LSAMP: variants seen among roughly 807,000 people sequenced by gnomAD.
The protein encoded by LSAMP is limbic system associated membrane protein.
A neutral mutation model predicts 38.6 loss-of-function variants in LSAMP; 7 were observed. The observed-to-expected ratio is 0.18, with a 90% confidence interval of 0.10 to 0.34. The LOEUF (loss-of-function observed/expected upper bound fraction) is 0.34, where lower values mean the gene tolerates loss of function less well. Among genes scored for constraint, LSAMP ranks in the 10% least tolerant of loss-of-function variants. The probability of loss-of-function intolerance (pLI) is 1.00; values close to 1 mark genes in which losing one functional copy is unlikely to be tolerated. For synonymous variants in LSAMP, 154 were observed against 166.8 expected, an observed-to-expected ratio of 0.92 and a Z score of 0.59; for missense variants, 313 against 420.0, an observed-to-expected ratio of 0.75 and a Z score of 2.23.
chr3:116,115,930 C>T (rs963434628), intron 1 of LSAMP, among the ~76,000 whole-genome samples: 3 of 151,864 alleles, frequency 2.0e-5, no homozygotes, highest in Admixed American at 6.6e-5. Context: ...CGTAGGGCGG[C>T]TTCCACCCCT....
intron 2 of LSAMP, among the ~76,000 whole-genome samples, chr3:116,076,885 T>C (rs963315770): frequency 6.6e-6 from 1 of 152,104 alleles, no homozygotes; most frequent in Admixed American, 6.5e-5. Context: ...TATTCTTAAA[T>C]GTTCTTATAT....
intron 2 of LSAMP, among the ~76,000 whole-genome samples, chr3:116,052,027 A>T (rs1941405787): frequency 6.6e-6 from 1 of 152,202 alleles, no homozygotes; most frequent in Admixed American, 6.5e-5. Context: ...GGTAAAATTT[A>T]AATGTAGAAA....
intron 1 of LSAMP, among the ~76,000 whole-genome samples, chr3:116,089,935 C>T (rs769004236): frequency 1.3e-5 from 2 of 151,834 alleles, no homozygotes; most frequent in Non-Finnish European, 2.9e-5. Flanking sequence ...GTGACTAAAA[C>T]TTTCTTAATA....
chr3:116,095,488 A>AAAAG (rs1708208253), intron 1 of LSAMP, among the ~76,000 whole-genome samples: 1 of 152,226 alleles, frequency 6.6e-6, no homozygotes, highest in Non-Finnish European at 1.5e-5. Flanking sequence ...GAGTGGATGG[A>AAAAG]AAAGAAACAG....
chr3:116,425,372 G>T (rs1399752542), intron 1 of LSAMP, among the ~76,000 whole-genome samples: 1 of 152,116 alleles, frequency 6.6e-6, no homozygotes, highest in Non-Finnish European at 1.5e-5. Context: ...ACCATTAAAA[G>T]AAATTATTGA....
At chr3:116,138,731 AT>A (rs1709307238) in intron 1 of LSAMP, among the ~76,000 whole-genome samples, 1 of 151,708 alleles carries the variant, frequency 6.6e-6, no homozygotes, top group South Asian at 2.1e-4. Context: ...ATATGTTCTT[AT>A]TTTCTGTTTA....
rs550724060 is a variant in LSAMP, at chr3:116,243,926, G to T, written c.156-157370C>A. On this transcript the variant is annotated intron_variant, in intron 1 of 6. Transcript: ENST00000490035. ...ATCTGGGCAGTGGTAGAAAAAAACA[G>T]GATAGTCTAATTTCAGTAGAAAGTT... 2.0e-5 allele frequency among the ~76,000 whole-genome samples: 3 copies of T among 152,230 alleles called. No individual in the cohort carries two copies. In the South Asian group the frequency reaches 6.2e-4, roughly 32 times the overall value.
At chr3:115,958,589 A>G (rs1211992053) in intron 3 of LSAMP, among the ~76,000 whole-genome samples, 2 of 152,222 alleles carry the variant, frequency 1.3e-5, no homozygotes. Flanking sequence ...GCGAGAGGAA[A>G]GGATGGAATT....
rs1014369805 is a variant in LSAMP at position 115,803,574 on chromosome 3, C to G, written c.*6743G>C. 6.6e-6 allele frequency: 1 copy of G among 152,224 alleles called. No homozygotes were observed. Among genetic ancestry groups the G allele is most frequent in the Non-Finnish European group, 1.5e-5 (1 of 68,046 alleles). 9.4% of individuals were successfully genotyped at this position (152,224 alleles called of 1,614,324 possible). On this transcript the variant is annotated 3_prime_UTR_variant, in exon 7 of 7. Coordinates refer to ENST00000490035, the MANE Select transcript of LSAMP (RefSeq NM_002338.5). ...ATTTTGGCCTTCACAACAATTCATA[C>G]TGTCTTCAACTCTGTAACCTCCTAA...
chr3:116,404,459 T>C (rs1452452682), intron 1 of LSAMP, among the ~76,000 whole-genome samples: 1 of 152,094 alleles, frequency 6.6e-6, no homozygotes, highest in Non-Finnish European at 1.5e-5. Context: ...GTGCCTTACA[T>C]AGAATATATG....
intron 2 of LSAMP, among the ~76,000 whole-genome samples, chr3:116,077,762 G>T (rs1320662436): frequency 6.6e-6 from 1 of 152,176 alleles, no homozygotes; most frequent in East Asian, 1.9e-4. Context: ...AGTATACCCA[G>T]TTGTCATTTC....
chr3:116,280,870 G>GT lies in LSAMP; in HGVS notation c.155+164006dup, dbSNP rs549972561. On this transcript the variant is annotated intron_variant, in intron 1 of 6. Transcript: ENST00000490035. ...ACAGAAAGCCCAGAATAGTGTGATA[G>GT]TTTTTTTCTGACATAACACCCATCT... Among the ~76,000 whole-genome samples, 17 of 152,208 alleles carry GT rather than the reference G, an allele frequency of 1.1e-4. No homozygotes were observed. In the East Asian group the frequency reaches 3.1e-3, roughly 28 times the overall value.
At chr3:116,051,614 T>A (rs950819185) in intron 2 of LSAMP, among the ~76,000 whole-genome samples, 1 of 152,188 alleles carries the variant, frequency 6.6e-6, no homozygotes, top group African/African-American at 2.4e-5. Flanking sequence ...CTAGCTTTCT[T>A]ACCCACTAGC....
At chr3:115,934,575 A>G (rs1197199660) in intron 3 of LSAMP, among the ~76,000 whole-genome samples, 1 of 152,210 alleles carries the variant, frequency 6.6e-6, no homozygotes, top group Non-Finnish European at 1.5e-5. Flanking sequence ...CTGGATCATG[A>G]TAAAATGGAC....
chr3:116,005,122 A>G (rs1015393048), intron 3 of LSAMP, among the ~76,000 whole-genome samples: 5 of 152,098 alleles, frequency 3.3e-5, no homozygotes, highest in African/African-American at 1.2e-4. Flanking sequence ...AAAGATCTGA[A>G]TATTCATTAC....
chr3:116,441,053 C>T (rs889730908), intron 1 of LSAMP, among the ~76,000 whole-genome samples: 26 of 152,132 alleles, frequency 1.7e-4, no homozygotes, highest in African/African-American at 6.3e-4. Context: ...CTTTTCCCCC[C>T]TTGGTGTAGA....
intron 1 of LSAMP, among the ~76,000 whole-genome samples, chr3:116,166,949 C>G (rs1255227433): frequency 6.6e-6 from 1 of 151,634 alleles, no homozygotes; most frequent in Admixed American, 6.6e-5. Context: ...CGCCACCAGG[C>G]CCGGCTAATT....
chr3:115,908,777 G>A (rs1383436474), intron 3 of LSAMP, among the ~76,000 whole-genome samples: 1 of 152,120 alleles, frequency 6.6e-6, no homozygotes, highest in Non-Finnish European at 1.5e-5. Context: ...ATAAAGTATA[G>A]GTGTCAGAGA....
intron 3 of LSAMP, among the ~76,000 whole-genome samples, chr3:115,921,963 C>T (rs1327230585): frequency 6.6e-6 from 1 of 152,108 alleles, no homozygotes; most frequent in Non-Finnish European, 1.5e-5. Context: ...TTGCATTTCT[C>T]TTGCTCCTTT....
Sources: gnomAD v4.1 joint callset for allele counts (sites outside exome capture counted in the v4.1 genomes callset) on GRCh38, gnomAD v4.1.1 for gene constraint, MANE v1.5 for transcripts, NCBI Gene and HGNC (gene_info 2026-07-23, HGNC 2026-07-21) for gene names.